The following NETO1 variants were observed in gnomAD, a reference collection of about 807,000 sequenced individuals.
The protein encoded by NETO1 is neuropilin and tolloid like 1.
A neutral mutation model predicts 61.3 loss-of-function variants in NETO1; 26 were observed. The ratio of observed to expected loss-of-function variants is 0.42; its 90% CI spans 0.31 to 0.59. The LOEUF (loss-of-function observed/expected upper bound fraction) is 0.59, where lower values mean the gene tolerates loss of function less well. NETO1 is among the 20% of genes least tolerant of loss of function. NETO1 has a pLI of 0.12. For synonymous variants in NETO1, 225 were observed against 225.8 expected (o/e 1.00, Z 0.03); for missense variants, 531 against 662.8 (o/e 0.80, Z 2.18).
chr18:72,776,327 AG>A (rs2071546366), intron 7 of NETO1, among the ~76,000 whole-genome samples: 1 of 152,204 alleles, frequency 6.6e-6, no homozygotes, highest in South Asian at 2.1e-4. Flanking sequence ...TCAAGCCGTT[AG>A]GTATTTGTCC....
chr18:72,783,532 GA>G (rs2071812771), intron 7 of NETO1, 145 bp downstream of exon 7: 11 of 661,578 alleles, frequency 1.7e-5, no homozygotes, highest in Non-Finnish European at 2.6e-5. Context: ...ATCAAAATGA[GA>G]AAAAGAGGAC....
intron 4 of NETO1, among the ~76,000 whole-genome samples, chr18:72,803,293 A>G (rs1271709083): frequency 6.6e-6 from 1 of 152,236 alleles, no homozygotes; most frequent in East Asian, 1.9e-4. Flanking sequence ...GCAGTTCTGC[A>G]TAATAGTAAT....
intron 8 of NETO1, among the ~76,000 whole-genome samples, chr18:72,753,288 A>AG (rs923187188): frequency 6.6e-6 from 1 of 152,158 alleles, no homozygotes; most frequent in African/African-American, 2.4e-5. Context: ...CATCATAGAA[A>AG]GGAGCCTCAA....
At chr18:72,841,155 T>A (rs1288408675) in intron 4 of NETO1, among the ~76,000 whole-genome samples, 1 of 152,170 alleles carries the variant, frequency 6.6e-6, no homozygotes, top group Non-Finnish European at 1.5e-5. Context: ...AAAAAATATA[T>A]TTAGGAAATG....
intron 4 of NETO1, among the ~76,000 whole-genome samples, chr18:72,840,661 G>A (rs866510741): frequency 2.9e-4 from 44 of 151,976 alleles, no homozygotes; most frequent in African/African-American, 1.1e-3. Context: ...TAAAAAGAAA[G>A]AACTTCTTGG....
At chr18:72,865,484 A>T in intron 1 of NETO1, 1 of 1,452,100 alleles carries the variant, frequency 6.9e-7, no homozygotes, top group Non-Finnish European at 9.5e-7. Flanking sequence ...TAAGGCAAAT[A>T]CATCATTCAC....
chr18:72,840,863 G>C (rs187033655), intron 4 of NETO1, among the ~76,000 whole-genome samples: 9 of 152,320 alleles, frequency 5.9e-5, no homozygotes, highest in Admixed American at 1.3e-4. Flanking sequence ...ACACTAAGCA[G>C]AACAGGTGAA....
At chr18:72,748,928 T>C in intron 10 of NETO1, 86 bp downstream of exon 10, 2 of 823,146 alleles carry the variant, frequency 2.4e-6, no homozygotes, top group East Asian at 4.9e-5. Flanking sequence ...AATGGATAAA[T>C]AGCACATTCC....
intron 10 of NETO1, 145 bp downstream of exon 10, chr18:72,748,869 C>T: frequency 1.5e-6 from 1 of 662,786 alleles, no homozygotes. Flanking sequence ...ACACTGAACC[C>T]ATCGTATTTC....
chr18:72,826,694 A>T (rs1249961499), intron 4 of NETO1, among the ~76,000 whole-genome samples: 2 of 152,192 alleles, frequency 1.3e-5, no homozygotes, highest in Non-Finnish European at 2.9e-5. Flanking sequence ...ACAACAAGTT[A>T]CACAAAAAAG....
Position 72,811,692 on chromosome 18 carries a change from C to G in NETO1, c.470-17288G>C, listed in dbSNP as rs536442869. 7.9e-5 allele frequency among the ~76,000 whole-genome samples: 12 copies of G among 152,220 alleles called. No homozygotes were observed. In the South Asian group the frequency reaches 1.5e-3, roughly 18 times the overall value. ...TGGTGGCATGTGCCCGTAGTCCCAG[C>G]TACTTGGGAAGCTAAGGCAGGAGGA... On this transcript the variant is annotated intron_variant, in intron 4 of 10. Coordinates refer to ENST00000327305, the MANE Select transcript of NETO1 (RefSeq NM_138966.5).
intron 6 of NETO1, among the ~76,000 whole-genome samples, chr18:72,788,770 G>A (rs1364294619): frequency 6.6e-6 from 1 of 151,996 alleles, no homozygotes; most frequent in Non-Finnish European, 1.5e-5. Flanking sequence ...ATGGAAAGCA[G>A]AACCCCTTTT....
chr18:72,867,661 C>T lies in NETO1; in HGVS notation c.-370G>A. On this transcript the variant is annotated 5_prime_UTR_variant, in exon 1 of 11. Coordinates refer to ENST00000327305, the MANE Select transcript of NETO1 (RefSeq NM_138966.5). Reference sequence around the variant, plus strand: ...CCGCCGCGGGGTCGGGAGGACGCGGCGCGCGGGAGGCGGCGGTCGCAGGGC... The same window carrying T: ...CCGCCGCGGGGTCGGGAGGACGCGGTGCGCGGGAGGCGGCGGTCGCAGGGC... The T allele has an allele frequency of 6.4e-6, 1 of 155,106 alleles. No individual in the cohort carries two copies. Among genetic ancestry groups the T allele is most frequent in the Non-Finnish European group, 1.4e-5 (1 of 70,178 alleles). The allele number at this position is 155,106 out of a possible 1,614,324, so 9.6% of individuals were successfully genotyped here.
chr18:72,825,063 C>A (rs1177644746), intron 4 of NETO1, among the ~76,000 whole-genome samples: 1 of 152,016 alleles, frequency 6.6e-6, no homozygotes, highest in Non-Finnish European at 1.5e-5. Flanking sequence ...AAAGACAAAT[C>A]CTAAACAGAG....
chr18:72,781,882 T>G (rs1214544273), intron 7 of NETO1, among the ~76,000 whole-genome samples: 2 of 130,990 alleles, frequency 1.5e-5, no homozygotes, highest in African/African-American at 5.7e-5. Context: ...GGGGTACATG[T>G]GCAGGTTTAC....
intron 7 of NETO1, among the ~76,000 whole-genome samples, chr18:72,761,379 T>C (rs1304499189): frequency 1.3e-5 from 2 of 152,238 alleles, no homozygotes; most frequent in East Asian, 1.9e-4. Flanking sequence ...AAATTATGCA[T>C]ATTAAATAAA....
At chr18:72,790,127 TAG>T (rs1382383840) in intron 6 of NETO1, among the ~76,000 whole-genome samples, 1 of 152,164 alleles carries the variant, frequency 6.6e-6, no homozygotes, top group African/African-American at 2.4e-5. Context: ...CTGTGTAAGC[TAG>T]AGTTTTATTA....
intron 4 of NETO1, among the ~76,000 whole-genome samples, chr18:72,851,816 C>T (rs2074259245): frequency 6.6e-6 from 1 of 152,138 alleles, no homozygotes; most frequent in African/African-American, 2.4e-5. Context: ...ACTAAAATTA[C>T]TTGCAATATG....
chr18:72,834,930 A>G (rs2073696262), intron 4 of NETO1: 2 of 752,894 alleles, frequency 2.7e-6, no homozygotes, highest in Non-Finnish European at 1.6e-6. Context: ...ATATAAAATA[A>G]CATTTAAAAT....
Sources: gnomAD v4.1 joint callset for allele counts (sites outside exome capture counted in the v4.1 genomes callset) on GRCh38, gnomAD v4.1.1 for gene constraint, MANE v1.5 for transcripts, NCBI Gene and HGNC (gene_info 2026-07-23, HGNC 2026-07-21) for gene names.